Variants in PANK3 observed in about 807,000 individuals in gnomAD.
The protein encoded by PANK3 is hPanK3.
A neutral mutation model predicts 39.4 loss-of-function variants in PANK3; 20 were observed. The ratio of observed to expected loss-of-function variants is 0.51; its 90% CI spans 0.36 to 0.74. The LOEUF (loss-of-function observed/expected upper bound fraction) is 0.74, where lower values mean the gene tolerates loss of function less well. Ranked by LOEUF, PANK3 falls within the 30% of genes least tolerant of loss-of-function variation. PANK3 has a pLI of 0.00. For synonymous variants in PANK3, 140 were observed against 157.3 expected (o/e 0.89, Z 0.82); for missense variants, 265 against 437.0 (o/e 0.61, Z 3.51).
At chr5:168,578,248 ATT>A (rs1218996599) in intron 1 of PANK3, among the ~76,000 whole-genome samples, 2 of 152,256 alleles carry the variant, frequency 1.3e-5, no homozygotes, top group Non-Finnish European at 2.9e-5. Flanking sequence ...TTATATAGGA[ATT>A]TGTAGTTTTC....
chr5:168,570,669 T>G (rs1005765883), intron 1 of PANK3, among the ~76,000 whole-genome samples: 7 of 152,138 alleles, frequency 4.6e-5, no homozygotes, highest in Admixed American at 1.3e-4. Flanking sequence ...TCAGTACGGT[T>G]AAGGAACTAG....
chr5:168,559,778 G>T (rs538637973), intron 5 of PANK3, among the ~76,000 whole-genome samples: 4 of 152,116 alleles, frequency 2.6e-5, no homozygotes, highest in Non-Finnish European at 5.9e-5. Flanking sequence ...ACATTGCAAT[G>T]CATGTTGAAC....
chr5:168,570,242 G>A (rs1314155877), intron 1 of PANK3, among the ~76,000 whole-genome samples: 2 of 151,768 alleles, frequency 1.3e-5, no homozygotes, highest in African/African-American at 2.4e-5. Flanking sequence ...AAAATTAGCC[G>A]GCCGTGGTGG....
At chr5:168,560,851 T>C in intron 5 of PANK3, 1 of 393,768 alleles carries the variant, frequency 2.5e-6, no homozygotes, top group South Asian at 2.1e-5. Flanking sequence ...TTCACACTTT[T>C]CTTGTAACAA....
chr5:168,565,239 C>T (rs140231280), intron 3 of PANK3, among the ~76,000 whole-genome samples: 220 of 152,224 alleles, frequency 1.4e-3, no homozygotes, highest in Non-Finnish European at 2.8e-3. Flanking sequence ...GAAAATCTTT[C>T]TTCCTTAAAC....
Position 168,561,404 on chromosome 5 carries a change from C to T in PANK3, c.925G>A (p.Ala309Thr). ...NNIGSVARMC[A>T]VNEKINRVVF... ...TTTTGTTTTTTTACCTCATTAACAG[C>T]ACACATTCGTGCCACAGAACCAATG... Residue 309 changes from alanine to threonine, a missense_variant, in exon 5 of 7, where the codon GCT (alanine) becomes ACT (threonine). Around this residue, in one of 3 missense-constraint regions of PANK3, gnomAD observed 110 missense variants for 161.2 expected, o/e 0.68. Coordinates refer to ENST00000239231, the MANE Select transcript of PANK3 (RefSeq NM_024594.4). The T allele has an allele frequency of 6.3e-7, 1 of 1,583,300 alleles. No individual in the cohort carries two copies. The highest frequency in any genetic ancestry group is 1.8e-4 in the Middle Eastern group (1 of 5,692).
At chr5:168,576,554 T>A (rs1007546174) in intron 1 of PANK3, among the ~76,000 whole-genome samples, 15 of 152,242 alleles carry the variant, frequency 9.9e-5, no homozygotes, top group African/African-American at 3.6e-4. Flanking sequence ...AGGATGAAAC[T>A]AATTCCTTTT....
rs1240243832 is a variant in PANK3 at position 168,548,693 on chromosome 5, A to G, written c.*8878T>C. On this transcript the variant is annotated 3_prime_UTR_variant, in exon 7 of 7. Transcript: ENST00000239231. ...CATGCAAATAAGCATTAAGGAAAAGAATACGGGAATGTTTACAGAATGCGC... is the reference window on the plus strand; with the variant it reads ...CATGCAAATAAGCATTAAGGAAAAGGATACGGGAATGTTTACAGAATGCGC... 2.0e-5 allele frequency: 3 copies of G among 152,354 alleles called. No individual in the cohort carries two copies. In the East Asian group the frequency reaches 5.8e-4, roughly 29 times the overall value. The allele number at this position is 152,354 out of a possible 1,614,324, so 9.4% of individuals were successfully genotyped here. A position where few individuals can be genotyped will look rare whatever the true frequency, so the allele number is the denominator to read the frequency against.
At chr5:168,575,606 C>T (rs976572301) in intron 1 of PANK3, among the ~76,000 whole-genome samples, 2 of 151,988 alleles carry the variant, frequency 1.3e-5, no homozygotes, top group Admixed American at 6.5e-5. Context: ...GGCAACATGG[C>T]AAAACCCCAT....
chr5:168,565,878 T>TAA, intron 3 of PANK3, 135 bp downstream of exon 3: 1 of 201,946 alleles, frequency 5.0e-6, no homozygotes, highest in Non-Finnish European at 9.1e-6. Flanking sequence ...AATATATATA[T>TAA]ATATATATTT....
chr5:168,560,415 C>T (rs1759428276), intron 5 of PANK3, among the ~76,000 whole-genome samples: 1 of 152,124 alleles, frequency 6.6e-6, no homozygotes, highest in Admixed American at 6.6e-5. Context: ...AATTACTTAG[C>T]AATTTGTCCT....
chr5:168,563,239 A>G (rs759805302), intron 4 of PANK3, among the ~76,000 whole-genome samples: 1 of 152,226 alleles, frequency 6.6e-6, no homozygotes, highest in Non-Finnish European at 1.5e-5. Flanking sequence ...ATTCAACTGT[A>G]TAACAATCCA....
In PANK3 at chr5:168,552,559, T is replaced by G. The variant is rs1327320130; in HGVS notation, c.*5012A>C. The G allele has an allele frequency of 5.0e-6, 1 of 201,786 alleles. No homozygotes were observed. The highest frequency in any genetic ancestry group is 1.1e-5 in the Non-Finnish European group (1 of 88,046). The allele number at this position is 201,786 out of a possible 1,614,324, so 12.5% of individuals were successfully genotyped here. A position where few individuals can be genotyped will look rare whatever the true frequency, so the allele number is the denominator to read the frequency against. On this transcript the variant is annotated 3_prime_UTR_variant, in exon 7 of 7. Coordinates refer to ENST00000239231, the MANE Select transcript of PANK3 (RefSeq NM_024594.4). ...GCAACCAGCCACTGCTATTGCAAAC[T>G]GAAGAGTGTGGCCACAGTATTCCAG...
intron 1 of PANK3, among the ~76,000 whole-genome samples, chr5:168,571,802 T>C (rs1325526450): frequency 6.6e-6 from 1 of 152,216 alleles, no homozygotes; most frequent in Non-Finnish European, 1.5e-5. Context: ...ATCCTCATTA[T>C]CTTCTTTTGG....
intron 1 of PANK3, among the ~76,000 whole-genome samples, chr5:168,573,003 C>A (rs538856838): frequency 6.6e-6 from 1 of 152,080 alleles, no homozygotes; most frequent in Admixed American, 6.5e-5. Flanking sequence ...GGCCTGGATA[C>A]GGTTTTGGAT....
At chr5:168,573,682 A>C (rs1182911332) in intron 1 of PANK3, among the ~76,000 whole-genome samples, 173 of 76,432 alleles carry the variant, frequency 2.3e-3, no homozygotes, top group African/African-American at 8.8e-3. Flanking sequence ...CCCACCCCAC[A>C]ACAGTCCCCA....
intron 1 of PANK3, among the ~76,000 whole-genome samples, chr5:168,574,914 T>C (rs1263346990): frequency 2.0e-5 from 3 of 152,088 alleles, no homozygotes; most frequent in Non-Finnish European, 4.4e-5. Context: ...AGTATCTACA[T>C]ATTTATAGCT....
Position 168,552,711 on chromosome 5 carries a change from G to A in PANK3, c.*4860C>T, listed in dbSNP as rs530018765. On this transcript the variant is annotated 3_prime_UTR_variant, in exon 7 of 7. Coordinates refer to ENST00000239231, the MANE Select transcript of PANK3 (RefSeq NM_024594.4). ...AACAATCATGAGGACAGAACAAAAC[G>A]CCATGCCTCAAGACCTATCATATGT... 15 of 190,194 alleles carry A rather than the reference G, an allele frequency of 7.9e-5. No individual in the cohort carries two copies. The Middle Eastern group carries it at 1.6e-3, about 21-fold the overall frequency. The allele number at this position is 190,194 out of a possible 1,614,324, so 11.8% of individuals were successfully genotyped here.
chr5:168,564,130 G>GTAA, intron 3 of PANK3, 65 bp from the exon 4 acceptor site: 2 of 1,336,932 alleles, frequency 1.5e-6, no homozygotes, highest in Non-Finnish European at 2.0e-6. Flanking sequence ...TAAAGTAAAA[G>GTAA]GGTGGATCAT....
Sources: allele counts gnomAD v4.1 joint callset (sites outside exome capture counted in the v4.1 genomes callset), GRCh38; gene constraint gnomAD v4.1.1; regional missense constraint gnomAD v4.1.1; transcripts MANE v1.5; gene names NCBI Gene and HGNC (gene_info 2026-07-23, HGNC 2026-07-21).